Variants in SV2C observed in about 807,000 individuals in gnomAD.
SV2C encodes the protein solute carrier family 22 member B3.
SV2C carries 49 observed loss-of-function variants against 79.7 expected under a neutral mutation model. The ratio of observed to expected loss-of-function variants is 0.61; its 90% CI spans 0.49 to 0.78. SV2C has a LOEUF of 0.78. SV2C is among the 30% of genes least tolerant of loss of function. SV2C has a pLI of 0.00. For missense variants in SV2C, 833 were observed against 912.9 expected (o/e 0.91, Z 1.13); for synonymous variants, 334 against 333.2 (o/e 1.00, Z -0.03).
the SV2C span, among the ~76,000 whole-genome samples, chr5:75,966,525 A>C: frequency 2.0e-5 from 3 of 152,200 alleles, no homozygotes; most frequent in African/African-American, 7.2e-5. Context: ...CACTCCCACC[A>C]GTGCCATGAC....
At chr5:76,227,874 G>C (rs1318791393) in intron 4 of SV2C, among the ~76,000 whole-genome samples, 1 of 152,194 alleles carries the variant, frequency 6.6e-6, no homozygotes, top group Non-Finnish European at 1.5e-5. Flanking sequence ...GCTTGAAGGG[G>C]AGGCATTCAT....
At chr5:76,062,183 A>G in the SV2C span, among the ~76,000 whole-genome samples, 3 of 151,972 alleles carry the variant, frequency 2.0e-5, no homozygotes, top group Admixed American at 6.6e-5. Flanking sequence ...AGATGGTATT[A>G]TGGTTTGAAT....
chr5:75,957,031 C>G, the SV2C span, among the ~76,000 whole-genome samples: 1 of 151,926 alleles, frequency 6.6e-6, no homozygotes, highest in African/African-American at 2.4e-5. Context: ...ATAGTTGCAA[C>G]TGATTCATGA....
At chr5:76,317,374 TTAAC>T (rs1305966347) in intron 12 of SV2C, among the ~76,000 whole-genome samples, 1 of 152,166 alleles carries the variant, frequency 6.6e-6, no homozygotes, top group Admixed American at 6.5e-5. Flanking sequence ...TACCAATTAT[TTAAC>T]TGAGTTGTCC....
intron 8 of SV2C, among the ~76,000 whole-genome samples, chr5:76,294,446 C>T (rs1435279828): frequency 3.3e-5 from 5 of 151,830 alleles, no homozygotes; most frequent in Admixed American, 1.3e-4. Flanking sequence ...GGACTACAGG[C>T]GTGCACCACC....
chr5:76,324,795 G>A (rs1748938236), intron 12 of SV2C, among the ~76,000 whole-genome samples: 1 of 152,178 alleles, frequency 6.6e-6, no homozygotes, highest in African/African-American at 2.4e-5. Flanking sequence ...AGTGGAGGCT[G>A]CAGTGAGTTA....
intron 12 of SV2C, among the ~76,000 whole-genome samples, chr5:76,312,939 C>G (rs1426767361): frequency 1.3e-5 from 2 of 152,210 alleles, no homozygotes; most frequent in African/African-American, 2.4e-5. Context: ...AAGCCCTTCC[C>G]TTAGGACTGT....
the SV2C span, among the ~76,000 whole-genome samples, chr5:76,077,626 C>A: frequency 1.3e-5 from 2 of 152,212 alleles, no homozygotes; most frequent in African/African-American, 4.8e-5. Context: ...CAAGAGCAAT[C>A]CACTTGCCAA....
the SV2C span, among the ~76,000 whole-genome samples, chr5:75,994,451 A>C: frequency 1.3e-5 from 2 of 152,042 alleles, no homozygotes; most frequent in African/African-American, 4.8e-5. Flanking sequence ...ACTTCTTAAG[A>C]GTCTTTCTGA....
the SV2C span, among the ~76,000 whole-genome samples, chr5:75,887,143 C>T: frequency 6.6e-6 from 1 of 152,012 alleles, no homozygotes; most frequent in Non-Finnish European, 1.5e-5. Flanking sequence ...TATATGTATA[C>T]ATTGTGAAAT....
At chr5:76,252,084 C>T (rs112764878) in intron 4 of SV2C, among the ~76,000 whole-genome samples, 2 of 152,142 alleles carry the variant, frequency 1.3e-5, no homozygotes, top group Non-Finnish European at 2.9e-5. Flanking sequence ...CTAGAGTATG[C>T]AAACTCACTG....
the SV2C span, among the ~76,000 whole-genome samples, chr5:75,952,604 A>G: frequency 2.0e-5 from 3 of 151,768 alleles, no homozygotes; most frequent in East Asian, 2.0e-4. Context: ...TTCACACACA[A>G]TCTGGTTGTT....
the SV2C span, among the ~76,000 whole-genome samples, chr5:75,887,176 A>G: frequency 2.0e-5 from 3 of 152,286 alleles, no homozygotes; most frequent in East Asian, 5.8e-4. Context: ...CTAAATTATC[A>G]TATGCATTAC....
At chr5:76,335,108 T>C (rs867563782), downstream of SV2C, among the ~76,000 whole-genome samples, 25 of 152,232 alleles carry the variant, frequency 1.6e-4, 1 homozygote, top group African/African-American at 5.5e-4. Context: ...GACCAGAGGC[T>C]ACCATATTGA....
chr5:76,201,959 T>C (rs907390977), intron 3 of SV2C, among the ~76,000 whole-genome samples: 2 of 136,642 alleles, frequency 1.5e-5, no homozygotes, highest in African/African-American at 5.6e-5. Flanking sequence ...GAGCTTGCAG[T>C]GAGCTGAGCT....
chr5:75,975,729 A>G, the SV2C span, among the ~76,000 whole-genome samples: 2 of 152,180 alleles, frequency 1.3e-5, no homozygotes, highest in African/African-American at 4.8e-5. Context: ...TATTACAGGC[A>G]TTGTAAAATA....
intron 2 of SV2C, among the ~76,000 whole-genome samples, chr5:76,158,627 G>T (rs1341665766): frequency 6.6e-6 from 1 of 151,928 alleles, no homozygotes; most frequent in African/African-American, 2.4e-5. Flanking sequence ...CAATTTTCAA[G>T]AGGGATATAA....
At chr5:75,849,701 T>C in the SV2C span, among the ~76,000 whole-genome samples, 72 of 152,332 alleles carry the variant, frequency 4.7e-4, 1 homozygote, top group African/African-American at 1.7e-3. Context: ...TATGATTCTT[T>C]GAGAGCTTGT....
At chr5:76,148,389 C>T (rs1749501476) in intron 2 of SV2C, among the ~76,000 whole-genome samples, 1 of 151,888 alleles carries the variant, frequency 6.6e-6, no homozygotes, top group Admixed American at 6.6e-5. Context: ...TTTTTAACTC[C>T]CTTATTCTTT....
Sources: gnomAD v4.1 joint callset for allele counts (sites outside exome capture counted in the v4.1 genomes callset) on GRCh38, gnomAD v4.1.1 for gene constraint, MANE v1.5 for transcripts, NCBI Gene and HGNC (gene_info 2026-07-23, HGNC 2026-07-21) for gene names.